SPEN: variants seen among roughly 807,000 people sequenced by gnomAD.
SPEN encodes spen family transcriptional repressor, also known as msx2-interacting protein.
SPEN carries 18 observed loss-of-function variants against 269.9 expected under a neutral mutation model. The observed-to-expected ratio is 0.07, with a 90% CI of 0.05 to 0.10. The LOEUF (loss-of-function observed/expected upper bound fraction) is 0.10, where lower values mean the gene tolerates loss of function less well. SPEN is among the 10% of genes least tolerant of loss of function. SPEN has a pLI of 1.00. For missense variants in SPEN, 3,822 were observed against 4,631.2 expected, an observed-to-expected ratio of 0.83 and a Z score of 5.07; for synonymous variants, 1,726 against 1,765.7, an observed-to-expected ratio of 0.98 and a Z score of 0.56.
rs763803976 is a variant in SPEN, at chr1:15,933,029, G to A, written c.6789G>A (p.Met2263Ile). 5 of 1,614,138 alleles carry A rather than the reference G, an allele frequency of 3.1e-6. No individual in the cohort carries two copies. The highest frequency in any genetic ancestry group is 2.5e-6 in the Non-Finnish European group (3 of 1,179,964). The change falls in exon 11 of 15, where the codon ATG becomes ATA. Residue 2263 changes from methionine (M) to isoleucine (I), a missense_variant. By Grantham distance (10) the Met-to-Ile change is conservative. This residue lies in a region of SPEN where 727 missense variants were observed against 737.9 expected (regional missense o/e 0.99). Transcript: ENST00000375759. The surrounding 1 kb of genome is among the most constrained non-coding windows in gnomAD (Gnocchi z 5.7). Reference protein sequence around the residue: ...AQALQPSEEGMETDEAVSGIL... With the variant: ...AQALQPSEEGIETDEAVSGIL... ...CGCTGCAGCCTTCTGAGGAAGGAAT[G>A]GAGACAGATGAGGCTGTATCTGGCA...
At chr1:15,899,540 T>TTG (rs888556730) in intron 3 of SPEN, among the ~76,000 whole-genome samples, 5 of 143,982 alleles carry the variant, frequency 3.5e-5, no homozygotes, top group Non-Finnish European at 6.1e-5. Context: ...TGGCAGAGTT[T>TTG]TTTTTTTTTT....
intron 3 of SPEN, among the ~76,000 whole-genome samples, chr1:15,883,452 TG>T (rs2070705823): frequency 6.6e-6 from 1 of 152,124 alleles, no homozygotes; most frequent in African/African-American, 2.4e-5. Flanking sequence ...GACAGAGTCT[TG>T]TGTTGTTGCC....
intron 3 of SPEN, among the ~76,000 whole-genome samples, chr1:15,908,208 G>A (rs1383051304): frequency 6.6e-6 from 1 of 152,028 alleles, no homozygotes; most frequent in Non-Finnish European, 1.5e-5. Context: ...GAGCAGTGCT[G>A]CTTCATTTAT....
intron 1 of SPEN, among the ~76,000 whole-genome samples, chr1:15,869,612 T>TTATTTATTTATA (rs1485006827): frequency 6.6e-6 from 1 of 151,798 alleles, no homozygotes; most frequent in Non-Finnish European, 1.5e-5. Context: ...ATTTATTTAT[T>TTATTTATTTATA]TATGAGACAG....
intron 2 of SPEN, chr1:15,874,241 T>A (rs888084722): frequency 2.5e-5 from 34 of 1,366,580 alleles, no homozygotes; most frequent in Non-Finnish European, 3.1e-5. Flanking sequence ...AAGATTTTTT[T>A]TTTCTTGTGG....
intron 6 of SPEN, among the ~76,000 whole-genome samples, chr1:15,916,777 C>T (rs1049714210): frequency 1.3e-5 from 2 of 152,074 alleles, no homozygotes; most frequent in Admixed American, 1.3e-4. Context: ...TGTTTTAATG[C>T]CATCTCTAGT....
intron 3 of SPEN, among the ~76,000 whole-genome samples, chr1:15,907,665 G>A (rs1253826227): frequency 6.6e-6 from 1 of 152,092 alleles, no homozygotes; most frequent in Non-Finnish European, 1.5e-5. Flanking sequence ...TGCTTGAAAA[G>A]TGAGGCCTCT....
At chr1:15,894,549 T>G (rs577755447) in intron 3 of SPEN, among the ~76,000 whole-genome samples, 49 of 147,088 alleles carry the variant, frequency 3.3e-4, no homozygotes, top group Non-Finnish European at 5.5e-4. Context: ...TTTTTTTTTT[T>G]TTTTTTTTTT....
chr1:15,937,329 G>A lies in SPEN; in HGVS notation c.10193G>A (p.Gly3398Glu), dbSNP rs1035625124. Residue 3398 changes from glycine to glutamate, a missense_variant, in exon 12 of 15, where the codon GGA becomes GAA. Around this residue, in one of 16 missense-constraint regions of SPEN, gnomAD observed 359 missense variants for 377.3 expected, o/e 0.95. Transcript: ENST00000375759. This position sits in a 1 kb window ranked among gnomAD's most constrained non-coding sequence, Gnocchi z 5.7. ...CAGGAGGCAAAGGGGACCCAGACGG[G>A]AGTAGAGCAGCCTCGCCTCCCAGCT... ...VSQEAKGTQT[G>E]VEQPRLPAGP... 24 of 1,613,958 alleles carry A rather than the reference G, an allele frequency of 1.5e-5. No individual in the cohort carries two copies. Among genetic ancestry groups the A allele is most frequent in the Non-Finnish European group, 2.0e-5 (24 of 1,179,990 alleles).
intron 3 of SPEN, among the ~76,000 whole-genome samples, chr1:15,899,100 C>G (rs772724624): frequency 6.6e-6 from 1 of 152,106 alleles, no homozygotes; most frequent in Non-Finnish European, 1.5e-5. Context: ...AACCCCATGG[C>G]TGTACCATTT....
At chr1:15,914,971 T>G (rs2071044623) in intron 5 of SPEN, among the ~76,000 whole-genome samples, 1 of 152,218 alleles carries the variant, frequency 6.6e-6, no homozygotes, top group Admixed American at 6.5e-5. Flanking sequence ...ATTTAGACAG[T>G]TGATTTATTG....
chr1:15,872,462 T>C (rs535526580), intron 1 of SPEN, among the ~76,000 whole-genome samples: 1 of 151,886 alleles, frequency 6.6e-6, no homozygotes, highest in East Asian at 1.9e-4. Flanking sequence ...TAGCCTGTCG[T>C]TGTGGCAGGT....
Position 15,928,828 on chromosome 1 carries a change from A to T in SPEN, c.2588A>T (p.Asp863Val). 1 of 1,614,144 alleles carries T rather than the reference A, an allele frequency of 6.2e-7. No homozygotes were observed. The highest frequency in any genetic ancestry group is 8.5e-7 in the Non-Finnish European group (1 of 1,179,988). ...SCNKLSREKADKEGIAKNRLE... is the reference protein window; with the variant it reads ...SCNKLSREKAVKEGIAKNRLE... ...AATAAACTGAGCAGAGAGAAAGCTG[A>T]CAAAGAGGGAATAGCGAAAAACCGC... The change falls in exon 11 of 15, where the codon GAC (aspartate) becomes GTC (valine). Residue 863 changes from aspartate (D) to valine (V), a missense_variant. Asp to Val is a radical substitution (Grantham distance 152). This residue lies in a region of SPEN where 572 missense variants were observed against 582.6 expected (regional missense o/e 0.98). Transcript: ENST00000375759. This position sits in a 1 kb window ranked among gnomAD's most constrained non-coding sequence, Gnocchi z 5.7.
chr1:15,919,018 G>C lies in SPEN; in HGVS notation c.1488G>C (p.Met496Ile), dbSNP rs753721424. 3 of 1,611,942 alleles carry C rather than the reference G, an allele frequency of 1.9e-6. No homozygotes were observed. Among genetic ancestry groups the C allele is most frequent in the African/African-American group, 2.7e-5 (2 of 74,846 alleles). Residue 496 changes from methionine to isoleucine, a missense_variant, in exon 7 of 15, where the codon ATG (methionine) becomes ATC (isoleucine). Physicochemically the swap from Met to Ile is conservative, Grantham distance 10. This residue lies in a region of SPEN where 230 missense variants were observed against 426.1 expected (regional missense o/e 0.54). Coordinates refer to ENST00000375759, the MANE Select transcript of SPEN (RefSeq NM_015001.3). ...IASVCKAIKK[M>I]DGEYLGNNRL... is the part of the protein sequence containing the mutation. ...GCGTTTGTAAAGCTATTAAGAAGAT[G>C]GATGGGGAATATCTTGGAAATAATC...
At position 15,928,710 on chromosome 1, in the gene SPEN, C is replaced by T. The variant is rs115323964; in HGVS notation, c.2470C>T (p.Arg824Cys). The T allele has an allele frequency of 7.8e-4, 1,263 of 1,613,892 alleles. 11 individuals carry two copies. In the African/African-American group the frequency reaches 0.014, roughly 18 times the overall value. ...AAAGGACAAAACTGACAAGCAGAAA[C>T]GCAAAGGAAAGGTTCACTCCCCTAG... is the stretch of plus-strand genomic sequence containing the variant. ...VEKDKTDKQKRKGKVHSPSSQ... is the reference protein window; with the variant it reads ...VEKDKTDKQKCKGKVHSPSSQ... Residue 824 changes from arginine to cysteine, a missense_variant, in exon 11 of 15, where the codon CGC (arginine) becomes TGC (cysteine). Physicochemically the swap from Arg to Cys is radical, Grantham distance 180. This residue lies in a region of SPEN where 572 missense variants were observed against 582.6 expected (regional missense o/e 0.98). Transcript: ENST00000375759. This position sits in a 1 kb window ranked among gnomAD's most constrained non-coding sequence, Gnocchi z 5.7.
intron 3 of SPEN, among the ~76,000 whole-genome samples, chr1:15,906,834 T>C (rs1173319480): frequency 6.8e-6 from 1 of 146,894 alleles, no homozygotes; most frequent in African/African-American, 2.6e-5. Context: ...TGGAGTGTAG[T>C]GGTATGACCA....
rs768267312 is a variant in SPEN at position 15,937,504 on chromosome 1, G to A, written c.10368G>A (p.Pro3456=). The A allele has an allele frequency of 5.0e-6, 8 of 1,613,928 alleles. No individual in the cohort carries two copies. The highest frequency in any genetic ancestry group is 2.2e-5 in the East Asian group (1 of 44,872). Residue 3456 remains proline (P), a synonymous_variant, in exon 12 of 15, where the codon CCG becomes CCA. Transcript: ENST00000375759. This position sits in a 1 kb window ranked among gnomAD's most constrained non-coding sequence, Gnocchi z 5.7. ...SLPTQTAPKQ[P]LFVPTTSGPS... is the part of the protein sequence containing the mutation. Reference sequence around the variant, plus strand: ...CCACTCAGACTGCCCCAAAACAGCCGTTGTTTGTCCCAACAACCTCTGGCC... The same window carrying A: ...CCACTCAGACTGCCCCAAAACAGCCATTGTTTGTCCCAACAACCTCTGGCC...
At chr1:15,854,204 A>G (rs2070363670) in intron 1 of SPEN, among the ~76,000 whole-genome samples, 1 of 152,206 alleles carries the variant, frequency 6.6e-6, no homozygotes, top group South Asian at 2.1e-4. Context: ...CCTTGAGTGT[A>G]TATATTCATT....
rs968795764 is a variant in SPEN at position 15,876,400 on chromosome 1, T to C, written c.603T>C (p.Tyr201=). ...GCTTTGATGCTCATGACCCCCGATA[T>C]GAACCTAGGGCTCGCGAGCAGTTTA... The part of the protein sequence containing the change: ...PNRFDAHDPR[Y]EPRAREQFTL... The change falls in exon 3 of 15, where the codon TAT becomes TAC. Residue 201 remains tyrosine, a synonymous_variant. Transcript: ENST00000375759. 9 of 1,613,950 alleles carry C rather than the reference T, an allele frequency of 5.6e-6. No homozygotes were observed. The highest frequency in any genetic ancestry group is 2.7e-5 in the African/African-American group (2 of 74,880).
Sources: allele counts gnomAD v4.1 joint callset (sites outside exome capture counted in the v4.1 genomes callset), GRCh38; gene constraint gnomAD v4.1.1; regional missense constraint gnomAD v4.1.1; non-coding constraint Gnocchi (gnomAD v3.1); transcripts MANE v1.5; gene names NCBI Gene and HGNC (gene_info 2026-07-23, HGNC 2026-07-21).